The following SRGAP1 variants were observed in gnomAD, a reference collection of about 807,000 sequenced individuals.
The protein encoded by SRGAP1 is SLIT-ROBO Rho GTPase activating protein 1.
Under a neutral mutation model 121.9 loss-of-function variants are expected in SRGAP1, and 43 were observed. The observed-to-expected ratio is 0.35, with a 90% CI of 0.28 to 0.46. The LOEUF is 0.46. Ranked by LOEUF, SRGAP1 falls within the 20% of genes least tolerant of loss-of-function variation. SRGAP1 has a pLI of 1.00. For missense variants in SRGAP1, 1,102 were observed against 1,350.9 expected, an observed-to-expected ratio of 0.82 and a Z score of 2.89; for synonymous variants, 447 against 485.4, an observed-to-expected ratio of 0.92 and a Z score of 1.04.
chr12:64,052,948 G>A lies in SRGAP1; in HGVS notation c.801+9373G>A, dbSNP rs1178022625. ...TGTTATACCTTTGCCTCACCTAATA[G>A]CAATTTTGTTTACTCCTGAGTCTTT... On this transcript the variant is annotated intron_variant, in intron 6 of 21. Transcript: ENST00000355086. Among the ~76,000 whole-genome samples the A allele has an allele frequency of 3.9e-5, 6 of 152,006 alleles. No individual in the cohort carries two copies. In the East Asian group the frequency reaches 1.2e-3, roughly 29 times the overall value.
chr12:64,004,514 G>A lies in SRGAP1; in HGVS notation c.427-12436G>A, dbSNP rs542318562. On this transcript the variant is annotated intron_variant, in intron 3 of 21. Transcript: ENST00000355086. ...AGCCTCCTGAGTGACTGGGACTACAGGGCCCGCCACCACGCCCAGCTAATT... is the reference window on the plus strand; with the variant it reads ...AGCCTCCTGAGTGACTGGGACTACAAGGCCCGCCACCACGCCCAGCTAATT... Among the ~76,000 whole-genome samples the A allele has an allele frequency of 4.6e-5, 7 of 152,190 alleles. No individual in the cohort carries two copies. In the East Asian group the frequency reaches 9.7e-4, roughly 21 times the overall value.
intron 4 of SRGAP1, among the ~76,000 whole-genome samples, chr12:64,023,175 T>C (rs1441147209): frequency 8.4e-5 from 11 of 131,134 alleles, no homozygotes; most frequent in Admixed American, 8.2e-4. Context: ...TATGAATTTT[T>C]TTATGATGAA....
chr12:64,090,712 C>T (rs1013823161), intron 11 of SRGAP1, among the ~76,000 whole-genome samples: 2 of 152,056 alleles, frequency 1.3e-5, no homozygotes, highest in African/African-American at 4.8e-5. Context: ...TGATGGCATG[C>T]GCCTGTAGTC....
intron 1 of SRGAP1, among the ~76,000 whole-genome samples, chr12:63,943,169 G>A (rs2031925023): frequency 6.6e-6 from 1 of 152,098 alleles, no homozygotes; most frequent in Non-Finnish European, 1.5e-5. Flanking sequence ...GTCATTCAAG[G>A]AACAAAATAT....
intron 4 of SRGAP1, among the ~76,000 whole-genome samples, chr12:64,034,594 A>G (rs1056528907): frequency 1.3e-5 from 2 of 152,228 alleles, no homozygotes; most frequent in African/African-American, 4.8e-5. Context: ...TTCAAATATC[A>G]ATAGCTGACA....
chr12:64,091,821 C>G, intron 12 of SRGAP1: 1 of 1,240,344 alleles, frequency 8.1e-7, no homozygotes, highest in Non-Finnish European at 1.1e-6. Context: ...AGACTATGAT[C>G]TATACCTTGT....
intron 1 of SRGAP1, among the ~76,000 whole-genome samples, chr12:63,861,864 G>A (rs1175129709): frequency 6.6e-6 from 1 of 152,082 alleles, no homozygotes; most frequent in African/African-American, 2.4e-5. Context: ...GCTCACGCCT[G>A]TAATCCCAGC....
chr12:63,883,934 A>C (rs1900281517), intron 1 of SRGAP1, among the ~76,000 whole-genome samples: 1 of 150,312 alleles, frequency 6.7e-6, no homozygotes, highest in African/African-American at 2.4e-5. Context: ...CTGGGATTAC[A>C]GGCGTGAGCC....
At chr12:63,944,296 C>T (rs1400047742) in intron 1 of SRGAP1, among the ~76,000 whole-genome samples, 2 of 152,160 alleles carry the variant, frequency 1.3e-5, no homozygotes, top group African/African-American at 4.8e-5. Context: ...GATTGAAGGG[C>T]TTGTAAACAA....
chr12:63,884,380 T>G (rs536289365), intron 1 of SRGAP1, among the ~76,000 whole-genome samples: 2 of 152,176 alleles, frequency 1.3e-5, no homozygotes, highest in South Asian at 4.1e-4. Context: ...TTGAGTAGAT[T>G]TTTTAAATTT....
rs1479802565 is a variant in SRGAP1 at position 64,156,228 on chromosome 12, C to T, written c.*13556C>T. On this transcript the variant is annotated 3_prime_UTR_variant, in exon 22 of 22. Transcript: ENST00000355086. Reference sequence around the variant, plus strand: ...TTAAAGACATTTTATTCTTTTTTGTCTTCATCAGAATTTATTGAATCCTGA... The same window carrying T: ...TTAAAGACATTTTATTCTTTTTTGTTTTCATCAGAATTTATTGAATCCTGA... 4 of 152,092 alleles carry T rather than the reference C, an allele frequency of 2.6e-5. No homozygotes were observed. The highest frequency in any genetic ancestry group is 4.8e-5 in the African/African-American group (2 of 41,426). 9.4% of individuals were successfully genotyped at this position (152,092 alleles called of 1,614,324 possible). A position where few individuals can be genotyped will look rare whatever the true frequency, so the allele number is the denominator to read the frequency against.
intron 15 of SRGAP1, 81 bp from the exon 16 acceptor site, chr12:64,108,851 A>C: frequency 3.5e-5 from 30 of 846,302 alleles, no homozygotes; most frequent in Non-Finnish European, 5.4e-5. Context: ...TCAGATGTGT[A>C]CCGGTAATAC....
At chr12:63,987,205 A>G (rs2033442008) in intron 2 of SRGAP1, among the ~76,000 whole-genome samples, 1 of 152,200 alleles carries the variant, frequency 6.6e-6, no homozygotes, top group Admixed American at 6.5e-5. Context: ...CTTTAGCATG[A>G]TATCATTACC....
At chr12:64,141,482 A>C (rs975126891) in intron 21 of SRGAP1, among the ~76,000 whole-genome samples, 1 of 151,990 alleles carries the variant, frequency 6.6e-6, no homozygotes, top group Non-Finnish European at 1.5e-5. Context: ...TGGGAGGCTG[A>C]GGCAGGAGAA....
In SRGAP1 at chr12:64,078,818, C is replaced by CA. The variant is rs1402992726; in HGVS notation, c.1126-100dup. On this transcript the variant is annotated intron_variant, in intron 8 of 21. Coordinates refer to ENST00000355086, the MANE Select transcript of SRGAP1 (RefSeq NM_020762.4). ...TAATAGACTGTGAATTTGGCGGGGGCAGGCCCTGTGTCCTCATCTCTACCT... is the reference window on the plus strand; with the variant it reads ...TAATAGACTGTGAATTTGGCGGGGGCAAGGCCCTGTGTCCTCATCTCTACCT... The CA allele has an allele frequency of 3.4e-5, 41 of 1,212,500 alleles. No homozygotes were observed. The East Asian group carries it at 9.9e-4, about 29-fold the overall frequency. 75.1% of individuals were successfully genotyped at this position (1,212,500 alleles called of 1,614,324 possible).
At chr12:63,926,845 C>G (rs952759694) in intron 1 of SRGAP1, among the ~76,000 whole-genome samples, 5 of 152,072 alleles carry the variant, frequency 3.3e-5, no homozygotes, top group African/African-American at 1.2e-4. Context: ...CATTCCCTAC[C>G]TTCGTATTAT....
At chr12:63,909,892 G>C (rs1312983349) in intron 1 of SRGAP1, among the ~76,000 whole-genome samples, 1 of 152,184 alleles carries the variant, frequency 6.6e-6, no homozygotes, top group East Asian at 1.9e-4. Flanking sequence ...AGTTTTTACT[G>C]TTAAGGCCTT....
rs141845676 is a variant in SRGAP1, at chr12:63,853,022, A to AT, written c.67+8153dup. 2.4e-3 allele frequency among the ~76,000 whole-genome samples: 338 copies of AT among 143,732 alleles called. 1 individual carries two copies. Among genetic ancestry groups the AT allele is most frequent in the South Asian group, 0.012 (53 of 4,448 alleles). 94.3% of individuals were successfully genotyped at this position (143,732 alleles called of 152,430 possible). A position where few individuals can be genotyped will look rare whatever the true frequency, so the allele number is the denominator to read the frequency against. On this transcript the variant is annotated intron_variant, in intron 1 of 21. Transcript: ENST00000355086. ...ATGTCCAAACAAGTATTACCGCAAA[A>AT]TTTTTTTTTTTTTTGAGATGGAGTT...
intron 1 of SRGAP1, among the ~76,000 whole-genome samples, chr12:63,955,815 T>G (rs946047394): frequency 1.3e-5 from 2 of 152,194 alleles, no homozygotes; most frequent in Admixed American, 1.3e-4. Flanking sequence ...AAAAAAACTT[T>G]TAAAATATAA....
Sources: gnomAD v4.1 joint callset for allele counts (sites outside exome capture counted in the v4.1 genomes callset) on GRCh38, gnomAD v4.1.1 for gene constraint, MANE v1.5 for transcripts, NCBI Gene and HGNC (gene_info 2026-07-23, HGNC 2026-07-21) for gene names.